The following SLC39A10 variants were observed in gnomAD, a reference collection of about 807,000 sequenced individuals.
SLC39A10 encodes the protein solute carrier family 39 member 10, also known as zinc transporter ZIP10.
SLC39A10 carries 13 observed loss-of-function variants against 65.1 expected under a neutral mutation model. That is an observed-to-expected ratio of 0.20 (90% CI 0.13 to 0.32). The LOEUF is 0.32. Ranked by LOEUF, SLC39A10 falls within the 10% of genes least tolerant of loss-of-function variation. The pLI, the probability that SLC39A10 is intolerant of heterozygous loss-of-function variation, is 1.00. For missense variants in SLC39A10, 831 were observed against 1,018.4 expected, an observed-to-expected ratio of 0.82 and a Z score of 2.50; for synonymous variants, 321 against 342.2, an observed-to-expected ratio of 0.94 and a Z score of 0.68.
At chr2:195,663,800 TTTTTCAACTTTTA>T (rs1689519585) in intron 1 of SLC39A10, among the ~76,000 whole-genome samples, 1 of 151,524 alleles carries the variant, frequency 6.6e-6, no homozygotes, top group Admixed American at 6.6e-5. Context: ...TCTTTTTTTT[TTTTTCAACTTTTA>T]TTTTAGATTC....
Position 195,639,157 on chromosome 2 carries a change from GC to G in SLC39A10, c.-12+32927del, listed in dbSNP as rs1688752668. On this transcript the variant is annotated intron_variant, in intron 2 of 2. Transcript: ENST00000458054. ...TTGTAAAGATAAGTCTTGCTATGTT[GC>G]CCAGGCTGGTGGTGAACTTCTGGCT... Among the ~76,000 whole-genome samples the G allele has an allele frequency of 5.9e-5, 9 of 152,168 alleles. No individual in the cohort carries two copies. In the South Asian group the frequency reaches 1.9e-3, roughly 32 times the overall value.
chr2:195,682,638 T>TATCAACA (rs1690369577), intron 2 of SLC39A10, among the ~76,000 whole-genome samples: 1 of 152,070 alleles, frequency 6.6e-6, no homozygotes, highest in Non-Finnish European at 1.5e-5. Context: ...AATATTTTGT[T>TATCAACA]GATAATTACA....
intron 2 of SLC39A10, among the ~76,000 whole-genome samples, chr2:195,615,862 T>G (rs1239962483): frequency 2.6e-5 from 4 of 152,242 alleles, no homozygotes; most frequent in Admixed American, 2.0e-4. Flanking sequence ...CAACTTTGCT[T>G]ATAATTCCTA....
chr2:195,655,846 G>A (rs1226982715), upstream of SLC39A10, among the ~76,000 whole-genome samples: 1 of 152,082 alleles, frequency 6.6e-6, no homozygotes. Flanking sequence ...CACCATTTTC[G>A]TTGTTTTGGA....
chr2:195,713,578 C>T (rs1303884330), intron 6 of SLC39A10, 25 bp downstream of exon 6: 1 of 1,538,522 alleles, frequency 6.5e-7, no homozygotes, highest in Non-Finnish European at 8.7e-7. Flanking sequence ...TGACTCAAGA[C>T]AAACTTTTTT....
intron 2 of SLC39A10, among the ~76,000 whole-genome samples, chr2:195,624,156 C>A (rs1228181322): frequency 6.6e-6 from 1 of 151,878 alleles, no homozygotes; most frequent in Non-Finnish European, 1.5e-5. Flanking sequence ...GAGGCCGAGG[C>A]GGGTGAATCA....
At chr2:195,613,334 A>G (rs1389706213) in intron 2 of SLC39A10, among the ~76,000 whole-genome samples, 1 of 152,184 alleles carries the variant, frequency 6.6e-6, no homozygotes, top group Non-Finnish European at 1.5e-5. Context: ...TTGCCTATCT[A>G]ATACAGTACA....
At chr2:195,646,516 C>T (rs1217620899) in intron 2 of SLC39A10, among the ~76,000 whole-genome samples, 1 of 152,202 alleles carries the variant, frequency 6.6e-6, no homozygotes. Context: ...AGGGTGTCAG[C>T]AGGGCCACGT....
intron 2 of SLC39A10, among the ~76,000 whole-genome samples, chr2:195,629,024 GC>G (rs1347138040): frequency 6.6e-6 from 1 of 151,940 alleles, no homozygotes; most frequent in African/African-American, 2.4e-5. Flanking sequence ...TTCCAAATCT[GC>G]CCCTCCTCCA....
intron 3 of SLC39A10, among the ~76,000 whole-genome samples, chr2:195,690,662 A>G (rs1690705370): frequency 6.6e-6 from 1 of 152,084 alleles, no homozygotes; most frequent in Non-Finnish European, 1.5e-5. Context: ...GGCAATTTGT[A>G]TATCTCCTTT....
intron 1 of SLC39A10, among the ~76,000 whole-genome samples, chr2:195,667,353 A>G (rs964086424): frequency 1.3e-5 from 2 of 152,320 alleles, no homozygotes; most frequent in African/African-American, 2.4e-5. Flanking sequence ...CTGAGAACTC[A>G]TTACTAAAAT....
intron 8 of SLC39A10, among the ~76,000 whole-genome samples, chr2:195,727,406 C>T (rs1243696249): frequency 1.3e-5 from 2 of 152,010 alleles, no homozygotes; most frequent in Non-Finnish European, 2.9e-5. Context: ...TCAGCATTGT[C>T]GATGCTCTTC....
At chr2:195,631,323 C>T (rs1040986972) in intron 2 of SLC39A10, among the ~76,000 whole-genome samples, 25 of 151,884 alleles carry the variant, frequency 1.6e-4, no homozygotes, top group African/African-American at 5.1e-4. Flanking sequence ...TACAGTATTA[C>T]TTCAAAGTTT....
intron 8 of SLC39A10, among the ~76,000 whole-genome samples, chr2:195,720,302 C>A (rs1245499684): frequency 6.6e-6 from 1 of 152,098 alleles, no homozygotes; most frequent in Non-Finnish European, 1.5e-5. Context: ...TATTGGTTTA[C>A]CAATTTAGTT....
intron 8 of SLC39A10, among the ~76,000 whole-genome samples, chr2:195,725,875 C>T (rs1692217794): frequency 6.6e-6 from 1 of 152,108 alleles, no homozygotes; most frequent in African/African-American, 2.4e-5. Context: ...CTGTGTGCTT[C>T]CATTTAGATG....
chr2:195,680,458 A>C lies in SLC39A10; in HGVS notation c.416A>C (p.Asn139Thr). The part of the protein sequence containing the change: ...QHSHNHLNSE[N>T]QTVTSVSTKR... ...TCCCATAATCATTTAAATTCAGAAA[A>C]TCAAACTGTGACCAGTGTATCCACA... The change falls in exon 2 of 10, where the codon AAT (asparagine) becomes ACT (threonine). Residue 139 changes from asparagine (N) to threonine (T), a missense_variant. By Grantham distance (65) the Asn-to-Thr change is moderately conservative. Coordinates refer to ENST00000359634, the MANE Select transcript of SLC39A10 (RefSeq NM_020342.3). 6.2e-7 allele frequency: 1 copy of C among 1,614,210 alleles called. No homozygotes were observed. The highest frequency in any genetic ancestry group is 8.5e-7 in the Non-Finnish European group (1 of 1,180,026).
chr2:195,733,058 T>A (rs753157921), intron 9 of SLC39A10, among the ~76,000 whole-genome samples: 2 of 152,220 alleles, frequency 1.3e-5, no homozygotes, highest in Non-Finnish European at 2.9e-5. Flanking sequence ...AAGAGATTGC[T>A]AAAATATACC....
chr2:195,674,321 A>G (rs1689993769), intron 1 of SLC39A10, among the ~76,000 whole-genome samples: 1 of 152,156 alleles, frequency 6.6e-6, no homozygotes. Flanking sequence ...CTCGTTGCCC[A>G]GGCTGGAGTG....
At chr2:195,681,674 G>A (rs1243393692) in intron 2 of SLC39A10, among the ~76,000 whole-genome samples, 2 of 151,990 alleles carry the variant, frequency 1.3e-5, no homozygotes, top group African/African-American at 4.8e-5. Flanking sequence ...GTGTTTTAAT[G>A]TTGTTAGAAA....
Sources: gnomAD v4.1 joint callset for allele counts (sites outside exome capture counted in the v4.1 genomes callset) on GRCh38, gnomAD v4.1.1 for gene constraint, MANE v1.5 for transcripts, NCBI Gene and HGNC (gene_info 2026-07-23, HGNC 2026-07-21) for gene names.